Variants in SEMA3D observed in about 807,000 individuals in gnomAD.
SEMA3D encodes the protein semaphorin 3D.
A neutral mutation model predicts 100.1 loss-of-function variants in SEMA3D; 84 were observed. The ratio of observed to expected loss-of-function variants is 0.84; its 90% confidence interval spans 0.70 to 1.01. The LOEUF (loss-of-function observed/expected upper bound fraction) is 1.01, where lower values mean the gene tolerates loss of function less well. SEMA3D is among the 50% of genes least tolerant of loss of function. The probability of loss-of-function intolerance (pLI) is 0.00; values close to 1 mark genes in which losing one functional copy is unlikely to be tolerated. For missense variants in SEMA3D, 875 were observed against 934.1 expected (o/e 0.94, Z 0.82); for synonymous variants, 312 against 320.7 (o/e 0.97, Z 0.29).
intron 2 of SEMA3D, among the ~76,000 whole-genome samples, chr7:85,135,118 T>A (rs1414595374): frequency 1.3e-5 from 2 of 151,964 alleles, no homozygotes; most frequent in East Asian, 3.9e-4. Context: ...TGATTATGAA[T>A]TCCAGTTTTA....
intron 3 of SEMA3D, among the ~76,000 whole-genome samples, chr7:85,112,376 T>C (rs1214424662): frequency 4.6e-5 from 7 of 152,214 alleles, no homozygotes; most frequent in Admixed American, 1.3e-4. Context: ...TTTGAAGTTT[T>C]TCTTGTCAAT....
chr7:85,106,515 C>T (rs1310075086), intron 3 of SEMA3D, among the ~76,000 whole-genome samples: 1 of 151,896 alleles, frequency 6.6e-6, no homozygotes, highest in African/African-American at 2.4e-5. Flanking sequence ...TATTTTATAA[C>T]AATATTGTTT....
chr7:85,157,816 T>A (rs765286732), intron 1 of SEMA3D: 16 of 159,458 alleles, frequency 1.0e-4, no homozygotes, highest in Non-Finnish European at 1.9e-4. Context: ...TCAGGGACCC[T>A]GAACGTAGGG....
chr7:85,237,341 A>C, the SEMA3D span, among the ~76,000 whole-genome samples: 1 of 152,168 alleles, frequency 6.6e-6, no homozygotes, highest in Non-Finnish European at 1.5e-5. Context: ...GGTGGCGTAC[A>C]TTCTATGGAT....
chr7:85,016,313 T>C (rs762396509), intron 15 of SEMA3D, among the ~76,000 whole-genome samples: 6 of 151,484 alleles, frequency 4.0e-5, no homozygotes, highest in Non-Finnish European at 7.4e-5. Context: ...TATTTACCTT[T>C]TATATTGTAC....
rs972361168 is a variant in SEMA3D, at chr7:85,055,665, T to C, written c.861+52A>G. ...ATATACATATATATATATATATATA[T>C]ATATATATATATATATATATGTTTT... On this transcript the variant is annotated intron_variant, in intron 9 of 18. Transcript: ENST00000284136. 9.6e-4 allele frequency: 223 copies of C among 233,030 alleles called. 4 individuals are homozygous for C. In the Middle Eastern group the frequency reaches 0.015, roughly 16 times the overall value. 14.4% of individuals were successfully genotyped at this position (233,030 alleles called of 1,614,324 possible). A position where few individuals can be genotyped will look rare whatever the true frequency, so the allele number is the denominator to read the frequency against.
chr7:85,141,246 A>G (rs1278996536), intron 2 of SEMA3D: 6 of 984,394 alleles, frequency 6.1e-6, no homozygotes, highest in Non-Finnish European at 7.2e-6. Context: ...AACTTGTTGA[A>G]GAGGGACAAG....
chr7:85,001,705 G>A (rs1210380517), intron 18 of SEMA3D, among the ~76,000 whole-genome samples: 3 of 152,084 alleles, frequency 2.0e-5, no homozygotes, highest in Non-Finnish European at 2.9e-5. Context: ...ACAGCATATG[G>A]TGTGTTTGGG....
At chr7:85,007,086 C>A in intron 17 of SEMA3D, 145 bp from the exon 18 acceptor site, 1 of 526,862 alleles carries the variant, frequency 1.9e-6, no homozygotes, top group Non-Finnish European at 3.1e-6. Flanking sequence ...AATATTGTTA[C>A]CTGAGACAAA....
At chr7:85,186,050 C>T (rs960161827) in intron 1 of SEMA3D, among the ~76,000 whole-genome samples, 2 of 152,284 alleles carry the variant, frequency 1.3e-5, no homozygotes, top group South Asian at 4.1e-4. Flanking sequence ...TCAGACGGAA[C>T]GTCGCGATTC....
At chr7:85,090,187 G>A (rs1173622899) in intron 4 of SEMA3D, among the ~76,000 whole-genome samples, 1 of 152,078 alleles carries the variant, frequency 6.6e-6, no homozygotes, top group African/African-American at 2.4e-5. Context: ...CATGGTGAGC[G>A]CTCAATAATT....
intron 3 of SEMA3D, among the ~76,000 whole-genome samples, chr7:85,100,879 G>T (rs545383012): frequency 4.0e-4 from 60 of 151,836 alleles, no homozygotes; most frequent in Admixed American, 3.7e-3. Context: ...TCAAATGAGC[G>T]TGACTTTACT....
At chr7:85,232,242 G>T in the SEMA3D span, among the ~76,000 whole-genome samples, 1 of 152,184 alleles carries the variant, frequency 6.6e-6, no homozygotes, top group Admixed American at 6.5e-5. Context: ...GTGCCATTAT[G>T]TCATTGCTTG....
At chr7:85,100,159 C>T (rs970337512) in intron 3 of SEMA3D, among the ~76,000 whole-genome samples, 3 of 151,860 alleles carry the variant, frequency 2.0e-5, no homozygotes, top group Non-Finnish European at 2.9e-5. Flanking sequence ...AAATTTAATG[C>T]TAGAATAGAC....
At chr7:85,077,507 T>C (rs564400176) in intron 5 of SEMA3D, among the ~76,000 whole-genome samples, 168 of 152,042 alleles carry the variant, frequency 1.1e-3, no homozygotes, top group African/African-American at 3.9e-3. Context: ...AACAGGAAAA[T>C]TAAAAAAATA....
intron 8 of SEMA3D, among the ~76,000 whole-genome samples, chr7:85,062,130 G>A (rs761264683): frequency 6.6e-6 from 1 of 152,174 alleles, no homozygotes; most frequent in Admixed American, 6.5e-5. Context: ...ACATATTCGA[G>A]CTTCAATCTC....
chr7:85,180,570 C>T (rs550762141), intron 1 of SEMA3D, among the ~76,000 whole-genome samples: 13 of 152,252 alleles, frequency 8.5e-5, no homozygotes, highest in African/African-American at 3.1e-4. Context: ...TTTAAATTTA[C>T]AGAAACATTG....
intron 4 of SEMA3D, 104 bp from the exon 5 acceptor site, chr7:85,081,683 T>A: frequency 2.6e-6 from 2 of 754,754 alleles, no homozygotes; most frequent in Non-Finnish European, 4.5e-6. Context: ...GAATGAGTAT[T>A]AAGCATGTTG....
intron 3 of SEMA3D, among the ~76,000 whole-genome samples, chr7:85,114,309 G>A (rs1789176538): frequency 6.6e-6 from 1 of 152,188 alleles, no homozygotes; most frequent in Admixed American, 6.5e-5. Context: ...ATTTTATAAA[G>A]AAGAGGTAGA....
Sources: allele counts gnomAD v4.1 joint callset (sites outside exome capture counted in the v4.1 genomes callset), GRCh38; gene constraint gnomAD v4.1.1; transcripts MANE v1.5; gene names NCBI Gene and HGNC (gene_info 2026-07-23, HGNC 2026-07-21).